Variants in OCLN observed in about 807,000 individuals in gnomAD.
The protein encoded by OCLN is occludin.
OCLN carries 21 observed loss-of-function variants against 47.9 expected under a neutral mutation model. The observed-to-expected ratio is 0.44, with a 90% CI of 0.31 to 0.63. The LOEUF (loss-of-function observed/expected upper bound fraction) is 0.63, where lower values mean the gene tolerates loss of function less well. Ranked by LOEUF, OCLN falls within the 30% of genes least tolerant of loss-of-function variation. The pLI is 0.08. For synonymous variants in OCLN, 117 were observed against 198.4 expected, an observed-to-expected ratio of 0.59 and a Z score of 3.45; for missense variants, 360 against 571.0, an observed-to-expected ratio of 0.63 and a Z score of 3.77.
chr5:69,532,741 G>T (rs532632832), intron 4 of OCLN, among the ~76,000 whole-genome samples: 17 of 152,192 alleles, frequency 1.1e-4, no homozygotes, highest in African/African-American at 4.1e-4. Flanking sequence ...GCCGAGGTGG[G>T]TGGATCATTT....
intron 4 of OCLN, among the ~76,000 whole-genome samples, chr5:69,529,329 C>G (rs1024177698): frequency 6.6e-6 from 1 of 152,144 alleles, no homozygotes; most frequent in African/African-American, 2.4e-5. Flanking sequence ...TTGTTTGTCA[C>G]AAAGAATTTT....
At chr5:69,534,972 T>TA in intron 5 of OCLN, 133 bp downstream of exon 5, 1 of 601,612 alleles carries the variant, frequency 1.7e-6, no homozygotes, top group Non-Finnish European at 3.0e-6. Context: ...ATCTTGGTAT[T>TA]ACAACAATCT....
chr5:69,531,490 T>C (rs1769430546), intron 4 of OCLN, among the ~76,000 whole-genome samples: 1 of 152,218 alleles, frequency 6.6e-6, no homozygotes, highest in Non-Finnish European at 1.5e-5. Context: ...GGAAGGATTT[T>C]TAAATTCTGA....
intron 3 of OCLN, among the ~76,000 whole-genome samples, chr5:69,511,960 T>C (rs1320109472): frequency 6.6e-6 from 1 of 151,274 alleles, no homozygotes; most frequent in Non-Finnish European, 1.5e-5. Context: ...GAGGTGGAGG[T>C]TGCAGTGAGC....
intron 4 of OCLN, among the ~76,000 whole-genome samples, chr5:69,515,956 G>A (rs1450264309): frequency 2.7e-5 from 4 of 150,580 alleles, no homozygotes; most frequent in African/African-American, 7.3e-5. Context: ...GGGAAGAGGC[G>A]CTCCTCACTT....
chr5:69,505,900 T>C (rs111965250), intron 2 of OCLN, among the ~76,000 whole-genome samples: 5 of 152,304 alleles, frequency 3.3e-5, no homozygotes, highest in African/African-American at 1.2e-4. Flanking sequence ...GGACAATAGC[T>C]GTGTGTCCTC....
intron 4 of OCLN, among the ~76,000 whole-genome samples, chr5:69,529,905 A>G (rs898120873): frequency 6.6e-6 from 1 of 152,174 alleles, no homozygotes; most frequent in Non-Finnish European, 1.5e-5. Flanking sequence ...CACCTGGCCT[A>G]GAGAAATCTT....
intron 2 of OCLN, 151 bp downstream of exon 2, chr5:69,504,445 CT>C: frequency 1.5e-6 from 1 of 668,352 alleles, no homozygotes. Flanking sequence ...GCACTGAAAA[CT>C]GAATTTCTCT....
intron 1 of OCLN, among the ~76,000 whole-genome samples, chr5:69,501,927 G>A (rs1768469575): frequency 6.6e-6 from 1 of 151,898 alleles, no homozygotes; most frequent in Non-Finnish European, 1.5e-5. Context: ...GTGGGGCGTG[G>A]TGGCTCATGC....
intron 3 of OCLN, among the ~76,000 whole-genome samples, chr5:69,510,114 G>A (rs911043827): frequency 1.4e-4 from 21 of 152,192 alleles, no homozygotes; most frequent in African/African-American, 3.9e-4. Flanking sequence ...ACCCGTTAGC[G>A]GTCACTCCTC....
intron 4 of OCLN, among the ~76,000 whole-genome samples, chr5:69,521,559 C>T (rs971601506): frequency 1.3e-5 from 2 of 152,074 alleles, no homozygotes; most frequent in Non-Finnish European, 2.9e-5. Context: ...CTCTTGAGCT[C>T]AAGAGTTGAG....
intron 4 of OCLN, among the ~76,000 whole-genome samples, chr5:69,532,115 A>G (rs1349503172): frequency 1.3e-5 from 2 of 152,114 alleles, no homozygotes; most frequent in Non-Finnish European, 2.9e-5. Flanking sequence ...AAATAACTTT[A>G]TGTACTAGGT....
At chr5:69,500,238 G>T (rs1465141970) in intron 1 of OCLN, among the ~76,000 whole-genome samples, 2 of 152,094 alleles carry the variant, frequency 1.3e-5, no homozygotes, top group Admixed American at 6.6e-5. Flanking sequence ...TTGGGAATCT[G>T]CCCACCCACA....
intron 3 of OCLN, among the ~76,000 whole-genome samples, chr5:69,510,316 A>G (rs764142136): frequency 2.0e-5 from 3 of 152,118 alleles, no homozygotes; most frequent in Non-Finnish European, 2.9e-5. Context: ...TTTTATTGCT[A>G]ATATTCCAGT....
At chr5:69,549,804 T>C (rs1769813227) in intron 7 of OCLN, among the ~76,000 whole-genome samples, 1 of 151,784 alleles carries the variant, frequency 6.6e-6, no homozygotes, top group African/African-American at 2.4e-5. Context: ...CTGTGAATTA[T>C]AATCCAAGGC....
At chr5:69,533,040 T>C (rs887430449) in intron 4 of OCLN, among the ~76,000 whole-genome samples, 3 of 136,728 alleles carry the variant, frequency 2.2e-5, no homozygotes, top group African/African-American at 9.7e-5. Flanking sequence ...CACACACATG[T>C]ATATATACAC....
intron 4 of OCLN, among the ~76,000 whole-genome samples, chr5:69,515,660 TG>T (rs987018709): frequency 1.1e-4 from 13 of 116,212 alleles, no homozygotes; most frequent in African/African-American, 4.3e-4. Flanking sequence ...CCCTCCCGGA[TG>T]GGGTAGCTGC....
intron 1 of OCLN, among the ~76,000 whole-genome samples, chr5:69,494,318 C>T (rs1025987960): frequency 2.0e-5 from 3 of 152,184 alleles, no homozygotes; most frequent in African/African-American, 2.4e-5. Flanking sequence ...TCCCGAATAG[C>T]TGGGATTACA....
chr5:69,503,849 C>T (rs183513785), intron 1 of OCLN, among the ~76,000 whole-genome samples: 55 of 152,092 alleles, frequency 3.6e-4, no homozygotes, highest in Admixed American at 3.3e-3. Flanking sequence ...TGTGCTAGTG[C>T]GGCTATATGT....
Sources: gnomAD v4.1 joint callset for allele counts (sites outside exome capture counted in the v4.1 genomes callset) on GRCh38, gnomAD v4.1.1 for gene constraint, MANE v1.5 for transcripts, NCBI Gene and HGNC (gene_info 2026-07-23, HGNC 2026-07-21) for gene names.